RNF213: variants seen among roughly 807,000 people sequenced by gnomAD.
The protein encoded by RNF213 is E3 ubiquitin-protein ligase RNF213.
In RNF213, 341 loss-of-function variants were observed where a neutral mutation model predicts 514.4. That is an observed-to-expected ratio of 0.66 (90% CI 0.61 to 0.73). The LOEUF is 0.73. RNF213 is among the 30% of genes least tolerant of loss of function. The probability of loss-of-function intolerance (pLI) is 0.00; values close to 1 mark genes in which losing one functional copy is unlikely to be tolerated. For missense variants in RNF213, 5,767 were observed against 6,615.6 expected (o/e 0.87, Z 4.45); for synonymous variants, 2,655 against 2,658.2 (o/e 1.00, Z 0.04).
At chr17:80,282,434 T>C (rs973044288) in intron 3 of RNF213, among the ~76,000 whole-genome samples, 8 of 152,220 alleles carry the variant, frequency 5.3e-5, no homozygotes, top group Non-Finnish European at 1.2e-4. Context: ...AGTCTCACTC[T>C]GTCGCCCAGG....
chr17:80,352,208 T>C (rs2078548457), intron 32 of RNF213: 1 of 210,524 alleles, frequency 4.8e-6, no homozygotes, highest in South Asian at 7.5e-5. Context: ...GGTTCTGTGT[T>C]GTACAGTCTG....
chr17:80,282,543 C>T (rs1258774811), intron 3 of RNF213, among the ~76,000 whole-genome samples: 3 of 151,810 alleles, frequency 2.0e-5, no homozygotes, highest in East Asian at 1.9e-4. Flanking sequence ...GGACTACAGG[C>T]GCCCACCACC....
At chr17:80,303,496 C>T (rs2045250045) in intron 11 of RNF213, among the ~76,000 whole-genome samples, 1 of 152,022 alleles carries the variant, frequency 6.6e-6, no homozygotes, top group South Asian at 2.1e-4. Context: ...GGCAGTGTTA[C>T]GGTCTTGCCT....
intron 20 of RNF213, among the ~76,000 whole-genome samples, chr17:80,331,710 A>G (rs1466827105): frequency 6.6e-6 from 1 of 152,170 alleles, no homozygotes; most frequent in African/African-American, 2.4e-5. Flanking sequence ...GACTTTTTAA[A>G]TGCAATTTAT....
chr17:80,321,840 C>G (rs1269982651), intron 17 of RNF213, among the ~76,000 whole-genome samples: 1 of 152,038 alleles, frequency 6.6e-6, no homozygotes, highest in East Asian at 1.9e-4. Context: ...ATTCTCCTGC[C>G]TCAGTCTCTC....
intron 21 of RNF213, 40 bp downstream of exon 21, chr17:80,332,671 G>A (rs562480323): frequency 1.2e-5 from 18 of 1,453,760 alleles, no homozygotes; most frequent in African/African-American, 4.3e-5. Flanking sequence ...TTGGAGGGGC[G>A]TCCTGCCTCA....
chr17:80,336,162 C>T lies in RNF213; in HGVS notation c.4311C>T (p.Gly1437=), dbSNP rs372281577. The T allele has an allele frequency of 1.3e-5, 20 of 1,536,816 alleles. No homozygotes were observed. Among genetic ancestry groups the T allele is most frequent in the Non-Finnish European group, 1.6e-5 (18 of 1,146,620 alleles). ...FICWVREALG[G]INELKVFVDL... Reference sequence around the variant, plus strand: ...GAACTCCCCTCTTCTCTTCCCCAGGCATCAATGAGCTGAAGGTGTTTGTGG... The same window carrying T: ...GAACTCCCCTCTTCTCTTCCCCAGGTATCAATGAGCTGAAGGTGTTTGTGG... The change falls in exon 23 of 68, where the codon GGC becomes GGT. Residue 1437 remains glycine, a splice_region_variant and synonymous_variant. Transcript: ENST00000582970.
At chr17:80,344,462 A>G (rs569440977) in intron 28 of RNF213, among the ~76,000 whole-genome samples, 1 of 152,238 alleles carries the variant, frequency 6.6e-6, no homozygotes, top group Non-Finnish European at 1.5e-5. Flanking sequence ...TGGGTTAGAA[A>G]GTGATTTCCT....
chr17:80,292,945 G>A (rs1430567344), intron 8 of RNF213, among the ~76,000 whole-genome samples: 1 of 152,146 alleles, frequency 6.6e-6, no homozygotes, highest in Non-Finnish European at 1.5e-5. Flanking sequence ...TTCATGTGTT[G>A]TTTTAGGCAG....
chr17:80,334,022 C>T, intron 21 of RNF213, 83 bp from the exon 22 acceptor site: 1 of 1,496,644 alleles, frequency 6.7e-7, no homozygotes. Context: ...GGTGGGGCTG[C>T]TGGGACGGTC....
At chr17:80,362,162 T>C (rs2079080207) in intron 39 of RNF213, among the ~76,000 whole-genome samples, 2 of 152,222 alleles carry the variant, frequency 1.3e-5, no homozygotes, top group South Asian at 4.1e-4. Flanking sequence ...ATAGCTTCTT[T>C]TTAAATGTTG....
intron 30 of RNF213, 51 bp downstream of exon 30, chr17:80,349,957 T>G (rs7223115): frequency 2.5e-6 from 4 of 1,610,042 alleles, no homozygotes; most frequent in African/African-American, 1.3e-5. Flanking sequence ...GCCGCAGCCG[T>G]GTGGCTTCTG....
intron 2 of RNF213, among the ~76,000 whole-genome samples, chr17:80,266,179 C>T (rs1282381107): frequency 6.6e-6 from 1 of 151,684 alleles, no homozygotes; most frequent in African/African-American, 2.4e-5. Context: ...TGGTGGTTCA[C>T]GCCTGTAATC....
intron 23 of RNF213, among the ~76,000 whole-genome samples, chr17:80,337,275 G>A (rs937222976): frequency 6.6e-6 from 1 of 152,212 alleles, no homozygotes; most frequent in Admixed American, 6.5e-5. Context: ...AGAGAGGCAG[G>A]CGGGCGGCTG....
rs140013474 is a variant in RNF213, at chr17:80,393,484, C to T, written c.15610C>T (p.Arg5204Ter). The T allele has an allele frequency of 2.5e-6, 4 of 1,614,022 alleles. No homozygotes were observed. The highest frequency in any genetic ancestry group is 1.3e-5 in the African/African-American group (1 of 74,930). ...WKTAAVLKWN[R>*]EMR ...AACAGCTGCTGTGCTGAAATGGAAT[C>T]GAGAAATGAGATAGAATTATTTCCT... Residue 5204 changes from arginine to a stop codon, truncating the protein, a stop_gained, in exon 68 of 68, where the codon CGA becomes TGA. Transcript: ENST00000582970. LOFTEE classifies it high-confidence loss of function.
chr17:80,354,417 A>G, intron 35 of RNF213, 24 bp from the exon 36 acceptor site: 1 of 1,614,202 alleles, frequency 6.2e-7, no homozygotes, highest in Non-Finnish European at 8.5e-7. Flanking sequence ...GCCATGCTGA[A>G]CGTCTGTTTC....
At chr17:80,355,820 CA>C (rs559566623) in intron 36 of RNF213, among the ~76,000 whole-genome samples, 4 of 130,368 alleles carry the variant, frequency 3.1e-5, no homozygotes, top group South Asian at 2.4e-4. Context: ...TGGGGGCTTA[CA>C]GGAGAAGAAG....
At chr17:80,313,818 ATGG>A (rs1180054816) in intron 15 of RNF213, among the ~76,000 whole-genome samples, 3 of 37,706 alleles carry the variant, frequency 8.0e-5, no homozygotes, top group African/African-American at 2.3e-4. Context: ...AATGGAGGTG[ATGG>A]TGGTGGTGGA....
chr17:80,287,244 C>T (rs929928689), intron 3 of RNF213, among the ~76,000 whole-genome samples: 3 of 152,096 alleles, frequency 2.0e-5, no homozygotes, highest in South Asian at 2.1e-4. Flanking sequence ...GCCTGTAATC[C>T]CAGGACCTTG....
Sources: gnomAD v4.1 joint callset for allele counts (sites outside exome capture counted in the v4.1 genomes callset) on GRCh38, gnomAD v4.1.1 for gene constraint, MANE v1.5 for transcripts, NCBI Gene and HGNC (gene_info 2026-07-23, HGNC 2026-07-21) for gene names.